Variants in THSD7B observed in about 807,000 individuals in gnomAD.
THSD7B encodes the protein thrombospondin type 1 domain containing 7B, also known as thrombospondin type-1 domain-containing protein 7B.
THSD7B carries 138 observed loss-of-function variants against 213.6 expected under a neutral mutation model. The observed-to-expected ratio is 0.65, with a 90% CI of 0.56 to 0.74. The LOEUF (loss-of-function observed/expected upper bound fraction) is 0.74. THSD7B is among the 30% of genes least tolerant of loss of function. THSD7B has a pLI of 0.00. For missense variants in THSD7B, 1,931 were observed against 1,991.5 expected (o/e 0.97, Z 0.58); for synonymous variants, 742 against 687.0 (o/e 1.08, Z -1.25).
intron 16 of THSD7B, among the ~76,000 whole-genome samples, chr2:137,571,364 T>C (rs1439542279): frequency 6.6e-6 from 1 of 152,244 alleles, no homozygotes; most frequent in Non-Finnish European, 1.5e-5. Flanking sequence ...TCTAGGTTGG[T>C]TCATTATGAA....
At chr2:136,971,151 T>TG (rs1176153875) in intron 2 of THSD7B, among the ~76,000 whole-genome samples, 1 of 152,180 alleles carries the variant, frequency 6.6e-6, no homozygotes, top group African/African-American at 2.4e-5. Flanking sequence ...AAGTCTGTGA[T>TG]GGGCGGTTAT....
At chr2:137,028,450 T>C (rs1439415337) in intron 2 of THSD7B, among the ~76,000 whole-genome samples, 2 of 152,240 alleles carry the variant, frequency 1.3e-5, no homozygotes, top group East Asian at 3.8e-4. Flanking sequence ...AATTTCATTG[T>C]TGCTCCAGAA....
chr2:137,516,372 A>T (rs889279224), intron 15 of THSD7B, among the ~76,000 whole-genome samples: 6 of 152,206 alleles, frequency 3.9e-5, no homozygotes, highest in African/African-American at 1.4e-4. Flanking sequence ...TGAAGGAGAG[A>T]CCAGGTCCCC....
chr2:137,563,086 TG>T, intron 15 of THSD7B, 134 bp from the exon 16 acceptor site: 2 of 908,302 alleles, frequency 2.2e-6, no homozygotes, highest in Non-Finnish European at 3.1e-6. Context: ...CTTGCTTTTT[TG>T]GGAAAGTAAT....
At chr2:136,837,661 TTG>T (rs1573662101) in intron 1 of THSD7B, among the ~76,000 whole-genome samples, 1 of 152,214 alleles carries the variant, frequency 6.6e-6, no homozygotes, top group Non-Finnish European at 1.5e-5. Context: ...GGACGTGGCA[TTG>T]TGTGTGTTAT....
At position 137,368,644 on chromosome 2, in the gene THSD7B, C is replaced by G. The variant is rs189292364; in HGVS notation, c.2501-36969C>G. 2.6e-5 allele frequency among the ~76,000 whole-genome samples: 4 copies of G among 152,070 alleles called. No individual in the cohort carries two copies. The East Asian group carries it at 5.8e-4, about 22-fold the overall frequency. On this transcript the variant is annotated intron_variant, in intron 12 of 27. Coordinates refer to ENST00000409968, the MANE Select transcript of THSD7B (RefSeq NM_001316349.2). ...AAATCAGAATTGAAGATTATACAAC[C>G]AAGAGAATTTTACTTGTTAAAAAAC...
At chr2:136,848,069 G>A (rs923892127) in intron 1 of THSD7B, among the ~76,000 whole-genome samples, 2 of 152,154 alleles carry the variant, frequency 1.3e-5, no homozygotes, top group African/African-American at 4.8e-5. Context: ...TGCAAATACA[G>A]AGACCATTAT....
At chr2:137,109,460 T>C (rs921447224) in intron 4 of THSD7B, among the ~76,000 whole-genome samples, 1 of 152,210 alleles carries the variant, frequency 6.6e-6, no homozygotes, top group African/African-American at 2.4e-5. Context: ...TCTATCATTA[T>C]CACATTATAA....
chr2:136,947,825 TG>T (rs760804179), intron 2 of THSD7B, among the ~76,000 whole-genome samples: 11,246 of 152,306 alleles, frequency 0.074, 660 homozygotes, highest in African/African-American at 0.16. Context: ...CTCTGGTCTC[TG>T]GTTAAGATTT....
chr2:136,926,859 G>A (rs1305334968), intron 2 of THSD7B, among the ~76,000 whole-genome samples: 1 of 151,974 alleles, frequency 6.6e-6, no homozygotes, highest in Non-Finnish European at 1.5e-5. Context: ...CACTCACTAA[G>A]TCCCTTTCCC....
intron 12 of THSD7B, among the ~76,000 whole-genome samples, chr2:137,324,224 A>C (rs193121291): frequency 6.6e-6 from 1 of 152,318 alleles, no homozygotes; most frequent in Admixed American, 6.5e-5. Flanking sequence ...GCAGAGACCA[A>C]GTTCTTTATC....
intron 22 of THSD7B, among the ~76,000 whole-genome samples, chr2:137,656,285 T>C (rs1381332636): frequency 6.6e-6 from 1 of 152,040 alleles, no homozygotes; most frequent in Admixed American, 6.6e-5. Flanking sequence ...ACAAAAAAAA[T>C]TATAATTTAT....
In THSD7B at chr2:137,056,834, TC is replaced by T. The variant is rs753795599; in HGVS notation, c.555del (p.Leu186TyrfsTer22). On this transcript the variant is annotated frameshift_variant, in exon 3 of 28. Coordinates refer to ENST00000409968, the MANE Select transcript of THSD7B (RefSeq NM_001316349.2). LOFTEE classifies it high-confidence loss of function. ...PCPRDCVVSE[F>X]LPWSNCSKGC... Reference sequence around the variant, plus strand: ...CCCCGGGATTGTGTAGTATCTGAGTTCTTACCATGGTCCAACTGTAGCAAGG... The same window carrying T: ...CCCCGGGATTGTGTAGTATCTGAGTTTTACCATGGTCCAACTGTAGCAAGG... The T allele has an allele frequency of 6.2e-7, 1 of 1,613,946 alleles. No individual in the cohort carries two copies. The highest frequency in any genetic ancestry group is 1.1e-5 in the South Asian group (1 of 91,082).
intron 15 of THSD7B, among the ~76,000 whole-genome samples, chr2:137,555,992 A>G (rs1407300959): frequency 6.6e-6 from 1 of 152,236 alleles, no homozygotes; most frequent in Non-Finnish European, 1.5e-5. Context: ...AAGTTTAGAG[A>G]AAGAAGAGAA....
chr2:137,595,325 A>T (rs972341730), intron 17 of THSD7B, among the ~76,000 whole-genome samples: 2 of 151,972 alleles, frequency 1.3e-5, no homozygotes, highest in African/African-American at 4.8e-5. Context: ...TCTTCTTTAT[A>T]TACCACATCT....
At chr2:137,018,817 A>G (rs539129057) in intron 2 of THSD7B, among the ~76,000 whole-genome samples, 3 of 152,278 alleles carry the variant, frequency 2.0e-5, no homozygotes, top group East Asian at 3.9e-4. Flanking sequence ...CCCATTACCA[A>G]TGTTTTCTTT....
intron 3 of THSD7B, among the ~76,000 whole-genome samples, chr2:137,079,317 A>C (rs1002487670): frequency 6.6e-6 from 1 of 152,176 alleles, no homozygotes; most frequent in African/African-American, 2.4e-5. Context: ...TTTGTACCAA[A>C]AATAGTTAAG....
intron 18 of THSD7B, 101 bp downstream of exon 18, chr2:137,616,417 A>T: frequency 9.3e-7 from 1 of 1,070,480 alleles, no homozygotes; most frequent in South Asian, 1.5e-5. Flanking sequence ...TGGAGAGTAG[A>T]ATGTGTGAGT....
intron 2 of THSD7B, among the ~76,000 whole-genome samples, chr2:137,025,593 A>T (rs1686537684): frequency 6.6e-6 from 1 of 152,158 alleles, no homozygotes; most frequent in Non-Finnish European, 1.5e-5. Context: ...CTTCTGTGTG[A>T]GGATTCAGGG....
Sources: gnomAD v4.1 joint callset for allele counts (sites outside exome capture counted in the v4.1 genomes callset) on GRCh38, gnomAD v4.1.1 for gene constraint, MANE v1.5 for transcripts, NCBI Gene and HGNC (gene_info 2026-07-23, HGNC 2026-07-21) for gene names.